Variants in NCOR2 observed in about 807,000 individuals in gnomAD.
The protein encoded by NCOR2 is CTG repeat protein 26.
NCOR2 carries 81 observed loss-of-function variants against 262.9 expected under a neutral mutation model. The ratio of observed to expected loss-of-function variants is 0.31; its 90% CI spans 0.26 to 0.37. The LOEUF (loss-of-function observed/expected upper bound fraction) is 0.37. Ranked by LOEUF, NCOR2 falls within the 10% of genes least tolerant of loss-of-function variation. The pLI is 1.00. For missense variants in NCOR2, 3,385 were observed against 3,621.4 expected (o/e 0.93, Z 1.68); for synonymous variants, 1,659 against 1,559.3 (o/e 1.06, Z -1.51).
In NCOR2 at chr12:124,334,934, G is replaced by A. The variant is rs114400759; in HGVS notation, c.6411+201C>T. ...GCTCGCATCACAGGCTCCTCCCATGGATTAGGGGGCGGTGATGGTGCCGGT... is the reference window on the plus strand; with the variant it reads ...GCTCGCATCACAGGCTCCTCCCATGAATTAGGGGGCGGTGATGGTGCCGGT... On this transcript the variant is annotated intron_variant, in intron 40 of 46. Coordinates refer to ENST00000405201, the Ensembl canonical transcript of NCOR2. The A allele has an allele frequency of 1.2e-3, 907 of 740,428 alleles. 4 individuals are homozygous for A. The highest frequency in any genetic ancestry group is 0.012 in the African/African-American group (687 of 56,994). 45.9% of individuals were successfully genotyped at this position (740,428 alleles called of 1,614,324 possible). A position where few individuals can be genotyped will look rare whatever the true frequency, so the allele number is the denominator to read the frequency against.
intron 16 of NCOR2, among the ~76,000 whole-genome samples, chr12:124,386,635 C>T (rs918826153): frequency 6.6e-5 from 10 of 152,196 alleles, no homozygotes; most frequent in Admixed American, 6.5e-4. Context: ...CTCCAGGAAT[C>T]GGCAGAAAAA....
chr12:124,521,246 A>G (rs1427399512), intron 1 of NCOR2, among the ~76,000 whole-genome samples: 2 of 152,186 alleles, frequency 1.3e-5, no homozygotes, highest in African/African-American at 4.8e-5. Context: ...AGGCACAGAT[A>G]CGAGTGGAGC....
intron 1 of NCOR2, among the ~76,000 whole-genome samples, chr12:124,564,074 G>A (rs1398020163): frequency 6.6e-6 from 1 of 152,244 alleles, no homozygotes; most frequent in Non-Finnish European, 1.5e-5. Context: ...AAGCAGATTT[G>A]CGTAGAGCAC....
At chr12:124,438,876 AAGACAGAGACCCAGAGAGAGG>A (rs1593542606) in intron 7 of NCOR2, among the ~76,000 whole-genome samples, 1 of 1,728 alleles carries the variant, frequency 5.8e-4, no homozygotes, top group Admixed American at 4.3e-3. Flanking sequence ...GAGACAGAGG[AAGACAGAGACCCAGAGAGAGG>A]GAGACAGAGA....
At chr12:124,434,636 A>G (rs1376829063) in intron 8 of NCOR2, among the ~76,000 whole-genome samples, 4 of 152,120 alleles carry the variant, frequency 2.6e-5, no homozygotes, top group Non-Finnish European at 4.4e-5. Flanking sequence ...TGCCCTCCCG[A>G]GAGGAGCCTT....
At chr12:124,350,668 A>G (rs768400255) in exon 28 of NCOR2, 1 of 1,613,810 alleles carries the variant, frequency 6.2e-7, no homozygotes, top group East Asian at 2.2e-5. Context: ...CCGCGGTCCA[A>G]GCGACTCGGG....
At chr12:124,375,844 C>A (rs1451080322) in intron 18 of NCOR2, among the ~76,000 whole-genome samples, 3 of 152,222 alleles carry the variant, frequency 2.0e-5, no homozygotes, top group African/African-American at 7.2e-5. Context: ...TGGTGTATTT[C>A]CAGCCCAGAT....
At chr12:124,493,163 C>T (rs1317368457) in intron 1 of NCOR2, among the ~76,000 whole-genome samples, 4 of 152,204 alleles carry the variant, frequency 2.6e-5, no homozygotes, top group Non-Finnish European at 5.9e-5. Flanking sequence ...CCAGTGACCC[C>T]GAGGGCCCAG....
intron 41 of NCOR2, 74 bp from the exon 44 acceptor site, chr12:124,333,353 A>C: frequency 1.5e-6 from 2 of 1,327,684 alleles, no homozygotes; most frequent in Non-Finnish European, 9.7e-7. Flanking sequence ...TCCACTCTAA[A>C]CCAGGGCCCC....
At chr12:124,561,992 G>A (rs1209311747) in intron 1 of NCOR2, 3 of 152,192 alleles carry the variant, frequency 2.0e-5, no homozygotes, top group Admixed American at 1.3e-4. Context: ...CTCCAGCCTT[G>A]GTGACAGAGC....
At chr12:124,355,596 G>T in intron 23 of NCOR2, 25 bp from the exon 26 acceptor site, 1 of 1,537,946 alleles carries the variant, frequency 6.5e-7, no homozygotes, top group Non-Finnish European at 8.7e-7. Flanking sequence ...TCTGTCCATT[G>T]TGGGGCCCAG....
intron 22 of NCOR2, among the ~76,000 whole-genome samples, chr12:124,360,867 T>A (rs1268892): frequency 6.6e-6 from 1 of 151,472 alleles, no homozygotes; most frequent in Admixed American, 6.6e-5. Context: ...GATGAACGAC[T>A]CTAAAACCAT....
chr12:124,389,443 C>A lies in NCOR2; in HGVS notation c.1877-3556G>T, dbSNP rs1161146121. Among the ~76,000 whole-genome samples the A allele has an allele frequency of 6.6e-6, 1 of 152,222 alleles. No individual in the cohort carries two copies. The highest frequency in any genetic ancestry group is 1.5e-5 in the Non-Finnish European group (1 of 68,040). The stretch of plus-strand genomic sequence containing the variant: ...CACTGGCTCCCCCTCCCTCTCTCCC[C>A]ATCCGCGGCGGTGGCGGCGTCAGCA... On this transcript the variant is annotated intron_variant, in intron 16 of 46. Transcript: ENST00000405201. The surrounding 1 kb of genome is among the most constrained non-coding windows in gnomAD (Gnocchi z 4.4).
At chr12:124,361,100 G>A (rs900401524) in intron 22 of NCOR2, among the ~76,000 whole-genome samples, 4 of 146,480 alleles carry the variant, frequency 2.7e-5, no homozygotes, top group Non-Finnish European at 6.0e-5. Context: ...CCAACCTGGC[G>A]AGAGTGACAC....
At chr12:124,436,669 C>T (rs1474448025) in intron 8 of NCOR2, among the ~76,000 whole-genome samples, 1 of 152,252 alleles carries the variant, frequency 6.6e-6, no homozygotes, top group Non-Finnish European at 1.5e-5. Flanking sequence ...CGCAGGCCCT[C>T]TCCTGGCCTA....
chr12:124,362,292 G>C (rs745601516), exon 22 of NCOR2: 1 of 1,316,882 alleles, frequency 7.6e-7, no homozygotes, highest in South Asian at 2.9e-5. Flanking sequence ...GGACTTTGGT[G>C]ACCTGCTGAG....
chr12:124,334,349 C>G, intron 41 of NCOR2, 75 bp downstream of exon 43: 1 of 1,153,580 alleles, frequency 8.7e-7, no homozygotes, highest in Non-Finnish European at 1.2e-6. Context: ...GAGCTCAGAC[C>G]CAGCTCTGAG....
At chr12:124,390,202 G>A (rs180689588) in intron 16 of NCOR2, among the ~76,000 whole-genome samples, 11 of 152,224 alleles carry the variant, frequency 7.2e-5, no homozygotes, top group African/African-American at 2.4e-4. Context: ...TGCCAACCCC[G>A]TGAAATCACT....
At chr12:124,330,060 C>T (rs1359716734) in intron 44 of NCOR2, among the ~76,000 whole-genome samples, 2 of 152,224 alleles carry the variant, frequency 1.3e-5, no homozygotes, top group East Asian at 3.9e-4. Context: ...TCCCAGGGCT[C>T]AAGGCCCAGG....
Sources: allele counts gnomAD v4.1 joint callset (sites outside exome capture counted in the v4.1 genomes callset), GRCh38; gene constraint gnomAD v4.1.1; non-coding constraint Gnocchi (gnomAD v3.1); transcripts MANE v1.5; gene names NCBI Gene and HGNC (gene_info 2026-07-23, HGNC 2026-07-21).